Variants in SLC39A11 observed in about 807,000 individuals in gnomAD.
SLC39A11 encodes solute carrier family 39 member 11, also known as zinc transporter ZIP11.
A neutral mutation model predicts 36.1 loss-of-function variants in SLC39A11; 33 were observed. The ratio of observed to expected loss-of-function variants is 0.91; its 90% CI spans 0.69 to 1.22. The LOEUF is 1.22. Among genes scored for constraint, SLC39A11 ranks in the 50% most tolerant of loss-of-function variants. The pLI, the probability that SLC39A11 is intolerant of heterozygous loss-of-function variation, is 0.00. For missense variants in SLC39A11, 432 were observed against 430.3 expected (o/e 1.00, Z -0.03); for synonymous variants, 166 against 170.3 (o/e 0.97, Z 0.20).
At chr17:73,063,691 A>G (rs539119135) in intron 3 of SLC39A11, among the ~76,000 whole-genome samples, 2 of 152,220 alleles carry the variant, frequency 1.3e-5, no homozygotes, top group East Asian at 3.9e-4. Context: ...GAGGTAACGG[A>G]TGAGAAAGTG....
At position 72,836,920 on chromosome 17, in the gene SLC39A11, G is replaced by T. The variant is rs559842072; in HGVS notation, c.601+12714C>A. On this transcript the variant is annotated intron_variant, in intron 6 of 9. Coordinates refer to ENST00000255559, the MANE Select transcript of SLC39A11 (RefSeq NM_139177.4). ...AGAGCAATGTGAAGCAGAAGCTGTT[G>T]CATCACGGTTTCTCCTGGAAAGGTC... Among the ~76,000 whole-genome samples the T allele has an allele frequency of 6.6e-5, 10 of 152,296 alleles. No homozygotes were observed. The South Asian group carries it at 2.1e-3, about 32-fold the overall frequency.
rs1447302910 is a variant in SLC39A11, at chr17:72,855,611, T to C, written c.431-5807A>G. On this transcript the variant is annotated intron_variant, in intron 5 of 9. Coordinates refer to ENST00000255559, the MANE Select transcript of SLC39A11 (RefSeq NM_139177.4). ...AACCAAAGGCCAATCAAAAGCAGAA[T>C]AGAGGCCGGGTGCGGTGGCTCACGC... 3.9e-5 allele frequency among the ~76,000 whole-genome samples: 6 copies of C among 152,128 alleles called. No individual in the cohort carries two copies. In the East Asian group the frequency reaches 9.6e-4, roughly 24 times the overall value.
At chr17:73,009,806 T>C (rs1161499841) in intron 4 of SLC39A11, among the ~76,000 whole-genome samples, 1 of 152,182 alleles carries the variant, frequency 6.6e-6, no homozygotes, top group Non-Finnish European at 1.5e-5. Context: ...GTTACATATG[T>C]ATACATGTGC....
intron 5 of SLC39A11, among the ~76,000 whole-genome samples, chr17:72,930,095 T>C (rs1045410424): frequency 1.3e-5 from 2 of 152,168 alleles, no homozygotes; most frequent in Non-Finnish European, 2.9e-5. Context: ...AAATATACGA[T>C]CAAAACCTGC....
intron 4 of SLC39A11, among the ~76,000 whole-genome samples, chr17:72,989,211 A>G (rs2088984894): frequency 6.6e-6 from 1 of 152,230 alleles, no homozygotes; most frequent in South Asian, 2.1e-4. Context: ...AACAACAACA[A>G]CAAAGAAAAC....
At chr17:72,944,633 C>G (rs981743835) in intron 5 of SLC39A11, among the ~76,000 whole-genome samples, 7 of 152,172 alleles carry the variant, frequency 4.6e-5, no homozygotes, top group Admixed American at 4.6e-4. Context: ...ATAAAGAACT[C>G]CTGGCCTCAT....
At chr17:72,918,141 G>A (rs11871427) in intron 5 of SLC39A11, among the ~76,000 whole-genome samples, 21,423 of 152,270 alleles carry the variant, frequency 0.14, 1,884 homozygotes, top group Non-Finnish European at 0.2. Context: ...AGGCGTGGTG[G>A]CTCACGCCTG....
chr17:72,699,296 A>C (rs571007259), intron 7 of SLC39A11, among the ~76,000 whole-genome samples: 1 of 152,346 alleles, frequency 6.6e-6, no homozygotes, highest in South Asian at 2.1e-4. Context: ...TTGCAAAGAA[A>C]TCTCATAATG....
intron 4 of SLC39A11, among the ~76,000 whole-genome samples, chr17:72,983,210 C>T (rs924386537): frequency 9.2e-5 from 14 of 151,998 alleles, no homozygotes; most frequent in African/African-American, 2.7e-4. Context: ...GGTGCAGTGC[C>T]GCGATCTCAG....
chr17:73,007,046 G>C (rs2090226641), intron 4 of SLC39A11, among the ~76,000 whole-genome samples: 1 of 152,172 alleles, frequency 6.6e-6, no homozygotes, highest in African/African-American at 2.4e-5. Flanking sequence ...ACTGCCCAAG[G>C]AGCCTACAGC....
At position 72,849,802 on chromosome 17, in the gene SLC39A11, T is replaced by C; in HGVS notation, c.433A>G (p.Lys145Glu). 6.7e-7 allele frequency: 1 copy of C among 1,483,002 alleles called. No individual in the cohort carries two copies. The highest frequency in any genetic ancestry group is 8.8e-7 in the Non-Finnish European group (1 of 1,131,518). 91.9% of individuals were successfully genotyped at this position (1,483,002 alleles called of 1,614,324 possible). ...PESELSIRID[K>E]SENGEAYQRK... Reference sequence around the variant, plus strand: ...TGATATGCCTCACCATTCTCACTCTTGTCTGAGCAAAAAAAAAAAAAAAGA... The same window carrying C: ...TGATATGCCTCACCATTCTCACTCTCGTCTGAGCAAAAAAAAAAAAAAAGA... Residue 145 changes from lysine to glutamate, a missense_variant and splice_region_variant, in exon 6 of 10, where the codon AAG (lysine) becomes GAG (glutamate). Coordinates refer to ENST00000255559, the MANE Select transcript of SLC39A11 (RefSeq NM_139177.4).
intron 7 of SLC39A11, among the ~76,000 whole-genome samples, chr17:72,729,440 T>A (rs2074103959): frequency 3.8e-4 from 2 of 5,316 alleles, no homozygotes; most frequent in Non-Finnish European, 7.3e-4. Flanking sequence ...TATATATATA[T>A]ATATATATAT....
intron 7 of SLC39A11, among the ~76,000 whole-genome samples, chr17:72,720,070 C>T (rs1484596697): frequency 6.6e-6 from 1 of 152,188 alleles, no homozygotes; most frequent in African/African-American, 2.4e-5. Flanking sequence ...ACCCCTAGCA[C>T]AGAGCTGACC....
At chr17:73,004,110 G>A (rs1439705316) in intron 4 of SLC39A11, among the ~76,000 whole-genome samples, 3 of 147,950 alleles carry the variant, frequency 2.0e-5, no homozygotes. Context: ...AAGAAAGAGA[G>A]AGAGAGAGAA....
chr17:72,922,896 A>G (rs2083759445), intron 5 of SLC39A11, among the ~76,000 whole-genome samples: 1 of 123,372 alleles, frequency 8.1e-6, no homozygotes, highest in Non-Finnish European at 1.6e-5. Flanking sequence ...TGAACCCGGG[A>G]GGCGGAGGTT....
At chr17:72,748,845 A>G (rs1007042421) in intron 6 of SLC39A11, among the ~76,000 whole-genome samples, 10 of 152,152 alleles carry the variant, frequency 6.6e-5, no homozygotes, top group Admixed American at 2.0e-4. Flanking sequence ...ACCTTGCACC[A>G]TGGTCGTCCA....
At chr17:72,871,612 G>A (rs1459481819) in intron 5 of SLC39A11, among the ~76,000 whole-genome samples, 1 of 152,114 alleles carries the variant, frequency 6.6e-6, no homozygotes, top group Non-Finnish European at 1.5e-5. Flanking sequence ...CAGAAGGACG[G>A]GGTTCAGAGA....
chr17:72,717,080 A>ATG (rs370287297), intron 7 of SLC39A11, among the ~76,000 whole-genome samples: 12 of 145,614 alleles, frequency 8.2e-5, no homozygotes, highest in Non-Finnish European at 1.2e-4. Flanking sequence ...ATATAAGTAT[A>ATG]TGTATATATG....
At chr17:72,945,837 T>C (rs772738549) in intron 5 of SLC39A11, among the ~76,000 whole-genome samples, 2 of 152,202 alleles carry the variant, frequency 1.3e-5, no homozygotes, top group African/African-American at 2.4e-5. Context: ...TGTGACTCCA[T>C]TGGAAAATGT....
Sources: gnomAD v4.1 joint callset for allele counts (sites outside exome capture counted in the v4.1 genomes callset) on GRCh38, gnomAD v4.1.1 for gene constraint, MANE v1.5 for transcripts, NCBI Gene and HGNC (gene_info 2026-07-23, HGNC 2026-07-21) for gene names.